The following FSIP1 variants were observed in gnomAD, a reference collection of about 807,000 sequenced individuals.
FSIP1 encodes the protein fibrous sheath interacting protein 1.
A neutral mutation model predicts 60.9 loss-of-function variants in FSIP1; 65 were observed. That is an observed-to-expected ratio of 1.07 (90% confidence interval 0.87 to 1.31). FSIP1 has a LOEUF of 1.31. Among genes scored for constraint, FSIP1 ranks in the 40% most tolerant of loss-of-function variants. The probability of loss-of-function intolerance (pLI) is 0.00; values close to 1 mark genes in which losing one functional copy is unlikely to be tolerated. For synonymous variants in FSIP1, 209 were observed against 221.2 expected, an observed-to-expected ratio of 0.94 and a Z score of 0.49; for missense variants, 675 against 665.5, an observed-to-expected ratio of 1.01 and a Z score of -0.16.
At chr15:39,726,788 A>C (rs749673289) in intron 8 of FSIP1, 41 bp from the exon 9 acceptor site, 1 of 1,592,266 alleles carries the variant, frequency 6.3e-7, no homozygotes, top group South Asian at 1.1e-5. Context: ...CTCAGGCTAT[A>C]TTTTTGCCAA....
At chr15:39,749,989 T>C (rs1429833654) in intron 5 of FSIP1, among the ~76,000 whole-genome samples, 1 of 151,816 alleles carries the variant, frequency 6.6e-6, no homozygotes, top group Non-Finnish European at 1.5e-5. Context: ...AATCAACATA[T>C]GAAAATCTGT....
At chr15:39,681,806 G>C (rs1894174202) in intron 10 of FSIP1, among the ~76,000 whole-genome samples, 1 of 152,074 alleles carries the variant, frequency 6.6e-6, no homozygotes, top group African/African-American at 2.4e-5. Context: ...TTTTTTCTAA[G>C]CTTCCTAGCA....
intron 10 of FSIP1, among the ~76,000 whole-genome samples, chr15:39,670,513 G>A (rs575601342): frequency 3.0e-4 from 45 of 152,048 alleles, no homozygotes; most frequent in South Asian, 1.9e-3. Flanking sequence ...ACAGAGTCTC[G>A]CTCTGTAGCC....
At position 39,726,697 on chromosome 15, in the gene FSIP1, G is replaced by A; in HGVS notation, c.942C>T (p.Val314=). 1.2e-6 allele frequency: 2 copies of A among 1,614,004 alleles called. No individual in the cohort carries two copies. The highest frequency in any genetic ancestry group is 1.7e-6 in the Non-Finnish European group (2 of 1,179,922). Residue 314 remains valine (V), a synonymous_variant, in exon 9 of 12, where the codon GTC becomes GTT. Coordinates refer to ENST00000350221, the MANE Select transcript of FSIP1 (RefSeq NM_152597.5). ...TTTCAGCAAGCTGCTGATGCTGGGT[G>A]ACTGCAAGTTCATATCCTTTTACTG... ...VVPVKGYELA[V]TQHQQLAEID...
chr15:39,744,702 CT>C (rs36093824), intron 5 of FSIP1, among the ~76,000 whole-genome samples: 40,701 of 151,406 alleles, frequency 0.27, 6,683 homozygotes, highest in Non-Finnish European at 0.38. Flanking sequence ...GTGTGGCATG[CT>C]TACAGGGAGA....
chr15:39,657,710 G>A (rs1448024404), intron 10 of FSIP1, among the ~76,000 whole-genome samples: 2 of 152,076 alleles, frequency 1.3e-5, no homozygotes, highest in African/African-American at 4.8e-5. Flanking sequence ...CCCAGGATAT[G>A]CCACCATTGT....
chr15:39,602,327 C>T (rs977019026), intron 11 of FSIP1: 45 of 456,196 alleles, frequency 9.9e-5, no homozygotes, highest in Non-Finnish European at 1.6e-4. Flanking sequence ...AGCATGGAAG[C>T]GTTCTAGCGT....
chr15:39,661,906 C>T (rs1052380614), intron 10 of FSIP1, among the ~76,000 whole-genome samples: 2 of 152,170 alleles, frequency 1.3e-5, no homozygotes, highest in African/African-American at 4.8e-5. Context: ...GCCTGCTCTC[C>T]TGCATTCCAT....
intron 8 of FSIP1, among the ~76,000 whole-genome samples, chr15:39,735,643 CTTTA>C (rs1252120418): frequency 2.0e-5 from 3 of 151,954 alleles, no homozygotes; most frequent in Non-Finnish European, 4.4e-5. Flanking sequence ...AAATATTTTT[CTTTA>C]TTTAATAATA....
chr15:39,770,446 C>A lies in FSIP1; in HGVS notation c.291G>T (p.Gln97His). 1 of 1,602,562 alleles carries A rather than the reference C, an allele frequency of 6.2e-7. No homozygotes were observed. Among genetic ancestry groups the A allele is most frequent in the Non-Finnish European group, 8.5e-7 (1 of 1,176,884 alleles). ...TCCTACCTGAACACTCAGAGATTAT[C>A]TGATGTTGAACCAAATCCAGATCTT... is the stretch of plus-strand genomic sequence containing the variant. ...SDEDLDLVQH[Q>H]IISECSDEPK... Residue 97 changes from glutamine to histidine, a missense_variant, in exon 3 of 12, where the codon CAG (glutamine) becomes CAT (histidine). Coordinates refer to ENST00000350221, the MANE Select transcript of FSIP1 (RefSeq NM_152597.5).
chr15:39,698,175 A>G (rs978707922), intron 10 of FSIP1, among the ~76,000 whole-genome samples: 1 of 114,182 alleles, frequency 8.8e-6, no homozygotes, highest in Non-Finnish European at 2.0e-5. Context: ...ATATATATAT[A>G]TATAAAATAT....
At chr15:39,724,922 G>A (rs982924397) in intron 9 of FSIP1, among the ~76,000 whole-genome samples, 2 of 151,458 alleles carry the variant, frequency 1.3e-5, no homozygotes, top group Non-Finnish European at 2.9e-5. Flanking sequence ...AAATAAACTA[G>A]CCTAACTCAT....
intron 11 of FSIP1, among the ~76,000 whole-genome samples, chr15:39,609,346 G>C (rs1018013732): frequency 6.6e-6 from 1 of 152,162 alleles, no homozygotes; most frequent in African/African-American, 2.4e-5. Context: ...CCTTCCCCAG[G>C]CCAGGCAGCA....
At chr15:39,599,114 G>A (rs377601803), downstream of FSIP1, 3 of 152,100 alleles carry the variant, frequency 2.0e-5, no homozygotes, top group South Asian at 2.1e-4. Context: ...TAGTAAAGAC[G>A]GGGTTTCACC....
At chr15:39,732,168 C>G (rs1421778601) in intron 8 of FSIP1, among the ~76,000 whole-genome samples, 1 of 152,204 alleles carries the variant, frequency 6.6e-6, no homozygotes, top group African/African-American at 2.4e-5. Context: ...GAATCTAATG[C>G]TGCAGCTAAT....
chr15:39,751,887 T>C (rs180877844), intron 5 of FSIP1, among the ~76,000 whole-genome samples: 1 of 152,072 alleles, frequency 6.6e-6, no homozygotes, highest in Admixed American at 6.6e-5. Flanking sequence ...TGTTTCACTA[T>C]AGTAACCATT....
intron 1 of FSIP1, among the ~76,000 whole-genome samples, chr15:39,780,966 T>C (rs1898244468): frequency 6.6e-6 from 1 of 152,180 alleles, no homozygotes; most frequent in Non-Finnish European, 1.5e-5. Context: ...AAAGGCATGA[T>C]TCATAAAAGA....
intron 10 of FSIP1, among the ~76,000 whole-genome samples, chr15:39,666,244 A>G (rs906303282): frequency 6.6e-6 from 1 of 152,196 alleles, no homozygotes; most frequent in African/African-American, 2.4e-5. Context: ...TGGCTAGCAG[A>G]TATGGCAGAA....
chr15:39,624,536 C>T (rs1340057409), intron 10 of FSIP1, among the ~76,000 whole-genome samples: 1 of 152,076 alleles, frequency 6.6e-6, no homozygotes, highest in Admixed American at 6.5e-5. Context: ...ATCTAAAAAT[C>T]AAGGGGGAAA....
Sources: allele counts gnomAD v4.1 joint callset (sites outside exome capture counted in the v4.1 genomes callset), GRCh38; gene constraint gnomAD v4.1.1; transcripts MANE v1.5; gene names NCBI Gene and HGNC (gene_info 2026-07-23, HGNC 2026-07-21).